The following TRAF3 variants were observed in gnomAD, a reference collection of about 807,000 sequenced individuals.
TRAF3 encodes the protein TNF receptor-associated factor 3.
A neutral mutation model predicts 62.3 loss-of-function variants in TRAF3; 13 were observed. That is an observed-to-expected ratio of 0.21 (90% CI 0.14 to 0.33). The LOEUF (loss-of-function observed/expected upper bound fraction) is 0.33. TRAF3 is among the 10% of genes least tolerant of loss of function. The pLI is 1.00. For missense variants in TRAF3, 440 were observed against 741.8 expected, an observed-to-expected ratio of 0.59 and a Z score of 4.73; for synonymous variants, 269 against 283.4, an observed-to-expected ratio of 0.95 and a Z score of 0.51.
At chr14:102,858,225 C>G (rs1241061268) in intron 2 of TRAF3, among the ~76,000 whole-genome samples, 1 of 151,730 alleles carries the variant, frequency 6.6e-6, no homozygotes, top group African/African-American at 2.4e-5. Context: ...GATCTTGGCT[C>G]ACTGCAACCT....
chr14:102,839,033 C>T (rs190816425), intron 2 of TRAF3, among the ~76,000 whole-genome samples: 15 of 152,106 alleles, frequency 9.9e-5, no homozygotes, highest in Admixed American at 2.0e-4. Flanking sequence ...CTGTGGAAAT[C>T]GGCTCATGGT....
At position 102,907,374 on chromosome 14, in the gene TRAF3, A is replaced by G. The variant is rs1198645876; in HGVS notation, c.*1590A>G. On this transcript the variant is annotated 3_prime_UTR_variant, in exon 12 of 12. Coordinates refer to ENST00000392745, the MANE Select transcript of TRAF3 (RefSeq NM_145725.3). ...CCCAGCCTGTGCCTGCCCAGATGGC[A>G]TTTTCTCAACTCACTGTTTACTGTC... 2 of 152,346 alleles carry G rather than the reference A, an allele frequency of 1.3e-5. No homozygotes were observed. Among genetic ancestry groups the G allele is most frequent in the African/African-American group, 4.8e-5 (2 of 41,554 alleles). 9.4% of individuals were successfully genotyped at this position (152,346 alleles called of 1,614,324 possible).
At position 102,870,320 on chromosome 14, in the gene TRAF3, A is replaced by G; in HGVS notation, c.119A>G (p.Lys40Arg). Residue 40 changes from lysine (K) to arginine (R), a missense_variant, in exon 3 of 12, where the codon AAG becomes AGG. By Grantham distance (26) the Lys-to-Arg change is conservative. Around this residue, in one of 6 missense-constraint regions of TRAF3, gnomAD observed 255 missense variants for 424.1 expected, o/e 0.60. Transcript: ENST00000392745. Reference protein sequence around the residue: ...PVFVPEQGGYKEKFVKTVEDK... With the variant: ...PVFVPEQGGYREKFVKTVEDK... ...TTTGTCCCTGAACAAGGAGGTTACA[A>G]GGAAAAGTTTGTGAAGACCGTGGAG... The G allele has an allele frequency of 6.2e-7, 1 of 1,614,196 alleles. No individual in the cohort carries two copies. The highest frequency in any genetic ancestry group is 8.5e-7 in the Non-Finnish European group (1 of 1,180,022).
chr14:102,799,978 C>T (rs1316369917), intron 1 of TRAF3, among the ~76,000 whole-genome samples: 12 of 152,148 alleles, frequency 7.9e-5, no homozygotes. Context: ...GTGGTCATTG[C>T]TGGAATCTTC....
chr14:102,792,131 T>TA (rs1897830985), intron 1 of TRAF3, among the ~76,000 whole-genome samples: 1 of 142,696 alleles, frequency 7.0e-6, no homozygotes, highest in African/African-American at 2.6e-5. Flanking sequence ...TTTTTTTTTT[T>TA]TTTTTTTTTA....
intron 1 of TRAF3, among the ~76,000 whole-genome samples, chr14:102,821,395 G>T (rs1899979816): frequency 6.6e-6 from 1 of 152,126 alleles, no homozygotes. Flanking sequence ...TTAAGATTAG[G>T]ATTTGTATTG....
chr14:102,841,248 T>TAG (rs1886356082), intron 2 of TRAF3, among the ~76,000 whole-genome samples: 1 of 152,144 alleles, frequency 6.6e-6, no homozygotes, highest in East Asian at 1.9e-4. Flanking sequence ...GGGAGCAGGT[T>TAG]AGAGAGAGAG....
At chr14:102,849,652 G>T (rs1886920491) in intron 2 of TRAF3, among the ~76,000 whole-genome samples, 1 of 152,190 alleles carries the variant, frequency 6.6e-6, no homozygotes, top group South Asian at 2.1e-4. Flanking sequence ...TTTCATGTGT[G>T]ACTGTGTTCT....
intron 9 of TRAF3, among the ~76,000 whole-genome samples, chr14:102,895,700 C>G (rs1459166019): frequency 6.6e-6 from 1 of 152,174 alleles, no homozygotes; most frequent in Non-Finnish European, 1.5e-5. Context: ...GAAAGAAACC[C>G]TCGTTGGAGT....
chr14:102,777,831 G>A (rs1897085630), intron 1 of TRAF3, among the ~76,000 whole-genome samples, 156 bp downstream of exon 1: 1 of 146,318 alleles, frequency 6.8e-6, no homozygotes, highest in Admixed American at 6.8e-5. Context: ...TCCCAGCGGC[G>A]ACGGCGGGGC....
intron 9 of TRAF3, among the ~76,000 whole-genome samples, chr14:102,895,461 A>T (rs999434632): frequency 6.6e-6 from 1 of 152,262 alleles, no homozygotes; most frequent in African/African-American, 2.4e-5. Flanking sequence ...ATCGGGAGTC[A>T]GCTCTTTATC....
intron 2 of TRAF3, among the ~76,000 whole-genome samples, chr14:102,839,957 T>TC (rs1383809360): frequency 1.3e-5 from 2 of 152,168 alleles, no homozygotes; most frequent in Non-Finnish European, 2.9e-5. Context: ...GTTTGGCAGT[T>TC]CCGACAAACT....
rs190698759 is a variant in TRAF3, at chr14:102,833,544, C to A, written c.-18+3072C>A. On this transcript the variant is annotated intron_variant, in intron 2 of 11. Transcript: ENST00000392745. ...CAAATTTAAATGAGTCCTTTGCATT[C>A]GAGTATAGAGATGACTGAGGAGAAT... Among the ~76,000 whole-genome samples, 3 of 152,046 alleles carry A rather than the reference C, an allele frequency of 2.0e-5. No individual in the cohort carries two copies. In the East Asian group the frequency reaches 5.8e-4, roughly 29 times the overall value.
chr14:102,797,098 C>T (rs187392252), intron 1 of TRAF3, among the ~76,000 whole-genome samples: 9 of 152,328 alleles, frequency 5.9e-5, no homozygotes, highest in Admixed American at 5.9e-4. Context: ...GGGGCAGCAT[C>T]ATTCACACAG....
chr14:102,784,440 C>G (rs563028979), intron 1 of TRAF3, among the ~76,000 whole-genome samples: 1 of 152,076 alleles, frequency 6.6e-6, no homozygotes, highest in Non-Finnish European at 1.5e-5. Context: ...CCAGGCTGGT[C>G]TTGAACTCCT....
chr14:102,879,103 C>T (rs1888890370), intron 6 of TRAF3, among the ~76,000 whole-genome samples: 1 of 151,720 alleles, frequency 6.6e-6, no homozygotes, highest in Admixed American at 6.6e-5. Context: ...CTCGCAGGAT[C>T]ATGGGGCTGG....
intron 1 of TRAF3, among the ~76,000 whole-genome samples, chr14:102,808,630 A>T (rs943363893): frequency 3.3e-5 from 5 of 152,206 alleles, no homozygotes; most frequent in African/African-American, 1.2e-4. Context: ...TTGGAACAGA[A>T]AAACTTCCAA....
intron 11 of TRAF3, among the ~76,000 whole-genome samples, chr14:102,904,667 G>A (rs982836493): frequency 3.3e-5 from 5 of 151,844 alleles, no homozygotes; most frequent in Admixed American, 2.0e-4. Context: ...AAAGTTAGCC[G>A]GGCATGGTGG....
chr14:102,838,744 A>G (rs1405120676), intron 2 of TRAF3, among the ~76,000 whole-genome samples: 1 of 152,046 alleles, frequency 6.6e-6, no homozygotes, highest in Non-Finnish European at 1.5e-5. Flanking sequence ...GGCAGGGTCT[A>G]CTCACACCCA....
Sources: gnomAD v4.1 joint callset for allele counts (sites outside exome capture counted in the v4.1 genomes callset) on GRCh38, gnomAD v4.1.1 for gene constraint, gnomAD v4.1.1 regional missense constraint, MANE v1.5 for transcripts, NCBI Gene and HGNC (gene_info 2026-07-23, HGNC 2026-07-21) for gene names.